Variants in SYNGR4 observed in about 807,000 individuals in gnomAD.
The protein encoded by SYNGR4 is synaptogyrin 4.
SYNGR4 carries 15 observed loss-of-function variants against 15.5 expected under a neutral mutation model. The observed-to-expected ratio is 0.97, with a 90% confidence interval of 0.65 to 1.49. The LOEUF (loss-of-function observed/expected upper bound fraction) is 1.49, where lower values mean the gene tolerates loss of function less well. SYNGR4 is among the 40% of genes most tolerant of loss of function. The pLI, the probability that SYNGR4 is intolerant of heterozygous loss-of-function variation, is 0.00. For synonymous variants in SYNGR4, 121 were observed against 127.4 expected (o/e 0.95, Z 0.34); for missense variants, 292 against 299.3 (o/e 0.98, Z 0.18).
chr19:48,373,600 C>T lies in SYNGR4; in HGVS notation c.177C>T (p.Leu59=). 1 of 1,613,874 alleles carries T rather than the reference C, an allele frequency of 6.2e-7. No homozygotes were observed. Among genetic ancestry groups the T allele is most frequent in the African/African-American group, 1.3e-5 (1 of 75,046 alleles). Residue 59 remains leucine (L), a synonymous_variant, in exon 3 of 5, where the codon CTC becomes CTT. Transcript: ENST00000344846. ...KMESPQLHCI[L]NSNSVACSFA... ...AGTCTCCGCAGCTCCACTGCATTCT[C>T]AACAGCAACAGCGTGGCCTGCAGCT...
In SYNGR4 at chr19:48,366,048, CAA is replaced by C. The variant is rs1486754358; in HGVS notation, c.93+114_93+115del. ...ACAAGGAAGGGGTCAGACGGGGAAACAAGACAACGGAGCAAATGCTGACACCA... is the reference window on the plus strand; with the variant it reads ...ACAAGGAAGGGGTCAGACGGGGAAACGACAACGGAGCAAATGCTGACACCA... On this transcript the variant is annotated intron_variant, in intron 2 of 4. Transcript: ENST00000344846. The C allele has an allele frequency of 4.4e-6, 5 of 1,136,668 alleles. No individual in the cohort carries two copies. The African/African-American group carries it at 7.7e-5, about 17-fold the overall frequency. 70.4% of individuals were successfully genotyped at this position (1,136,668 alleles called of 1,614,324 possible).
chr19:48,375,579 C>G, intron 3 of SYNGR4, 34 bp from the exon 4 acceptor site: 1 of 1,594,172 alleles, frequency 6.3e-7, no homozygotes, highest in South Asian at 1.1e-5. Context: ...GTGAGCTTTC[C>G]CCCTGCCCCT....
At chr19:48,374,118 G>A (rs926698182) in intron 3 of SYNGR4, among the ~76,000 whole-genome samples, 4 of 133,030 alleles carry the variant, frequency 3.0e-5, no homozygotes, top group African/African-American at 5.9e-5. Flanking sequence ...TCACTCTGTC[G>A]CCAGGCTGGA....
At chr19:48,375,802 G>C (rs770445961) in intron 4 of SYNGR4, 50 bp downstream of exon 4, 17 of 1,589,986 alleles carry the variant, frequency 1.1e-5, no homozygotes, top group Non-Finnish European at 1.5e-5. Flanking sequence ...ACCCTCTGCA[G>C]GGTGGGGTTG....
At chr19:48,372,913 C>G (rs929934046) in intron 2 of SYNGR4, 1 of 153,518 alleles carries the variant, frequency 6.5e-6, no homozygotes, top group Admixed American at 6.4e-5. Context: ...TAAGTGCCTC[C>G]TCTCGTTTAG....
chr19:48,373,434 G>T, intron 2 of SYNGR4, 83 bp from the exon 3 acceptor site: 3 of 1,221,926 alleles, frequency 2.5e-6, no homozygotes, highest in Non-Finnish European at 3.6e-6. Context: ...CTGGGTATAC[G>T]GAAAGACCGA....
intron 2 of SYNGR4, among the ~76,000 whole-genome samples, chr19:48,372,723 A>T (rs1970328547): frequency 6.6e-6 from 1 of 152,112 alleles, no homozygotes; most frequent in South Asian, 2.1e-4. Flanking sequence ...AAAATCCCGA[A>T]GCCAAAAAAC....
rs75257682 is a variant in SYNGR4, at chr19:48,365,421, C to A, written c.-107-315C>A. The stretch of plus-strand genomic sequence containing the variant: ...CCTAGTAGCCCCCTCACCACACAAC[C>A]CCATTCCTGGGACCCCCAGCACCCC... On this transcript the variant is annotated intron_variant, in intron 1 of 4. Transcript: ENST00000344846. 1.0e-3 allele frequency among the ~76,000 whole-genome samples: 86 copies of A among 83,370 alleles called. 5 individuals carry two copies. The highest frequency in any genetic ancestry group is 1.3e-3 in the African/African-American group (32 of 24,502). 54.7% of individuals were successfully genotyped at this position (83,370 alleles called of 152,430 possible). A position where few individuals can be genotyped will look rare whatever the true frequency, so the allele number is the denominator to read the frequency against.
chr19:48,365,635 AC>A (rs36115825), intron 1 of SYNGR4, 100 bp from the exon 2 acceptor site: 28,765 of 223,896 alleles, frequency 0.13, 3,295 homozygotes, highest in Admixed American at 0.19. Context: ...CATTCCGGGG[AC>A]CCCCCCCATC....
intron 3 of SYNGR4, 96 bp downstream of exon 3, chr19:48,373,850 T>A: frequency 7.9e-7 from 1 of 1,263,184 alleles, no homozygotes; most frequent in South Asian, 1.3e-5. Flanking sequence ...CTTCACCACC[T>A]AGCCGGCCTC....
chr19:48,367,297 G>T (rs1431051698), intron 2 of SYNGR4, among the ~76,000 whole-genome samples: 2 of 152,016 alleles, frequency 1.3e-5, no homozygotes, highest in Non-Finnish European at 2.9e-5. Flanking sequence ...GCTGGGTGTG[G>T]TGGCAGGCGC....
At chr19:48,371,837 C>G (rs1173376817) in intron 2 of SYNGR4, among the ~76,000 whole-genome samples, 2 of 150,362 alleles carry the variant, frequency 1.3e-5, no homozygotes, top group Non-Finnish European at 3.0e-5. Context: ...CCACCTTGGC[C>G]TCCCAAGTGT....
At chr19:48,367,192 G>A (rs1257433511) in intron 2 of SYNGR4, among the ~76,000 whole-genome samples, 1 of 151,748 alleles carries the variant, frequency 6.6e-6, no homozygotes, top group African/African-American at 2.4e-5. Flanking sequence ...CAGCACTTTG[G>A]GAGGCCGAGG....
At position 48,365,424 on chromosome 19, in the gene SYNGR4, A is replaced by T. The variant is rs79726177; in HGVS notation, c.-107-312A>T. 6.0e-3 allele frequency among the ~76,000 whole-genome samples: 92 copies of T among 15,232 alleles called. 5 individuals carry two copies. Among genetic ancestry groups the T allele is most frequent in the African/African-American group, 7.7e-3 (33 of 4,264 alleles). The allele number at this position is 15,232 out of a possible 152,430, so 10.0% of individuals were successfully genotyped here. A position where few individuals can be genotyped will look rare whatever the true frequency, so the allele number is the denominator to read the frequency against. On this transcript the variant is annotated intron_variant, in intron 1 of 4. Transcript: ENST00000344846. ...AGTAGCCCCCTCACCACACAACCCC[A>T]TTCCTGGGACCCCCAGCACCCCCAT...
chr19:48,376,355 C>A lies in SYNGR4; in HGVS notation c.*37C>A. ...CAAATCAATAAAGAGAGAATCCTCC[C>A]TCCAGAAGGGTTTCTAAAAACAGCC... On this transcript the variant is annotated 3_prime_UTR_variant, in exon 5 of 5. Coordinates refer to ENST00000344846, the MANE Select transcript of SYNGR4 (RefSeq NM_012451.4). The A allele has an allele frequency of 1.3e-6, 2 of 1,599,978 alleles. No individual in the cohort carries two copies. Among genetic ancestry groups the A allele is most frequent in the East Asian group, 4.5e-5 (2 of 44,074 alleles).
intron 2 of SYNGR4, among the ~76,000 whole-genome samples, chr19:48,367,447 T>A (rs888136581): frequency 4.7e-5 from 7 of 150,326 alleles, no homozygotes; most frequent in East Asian, 2.0e-4. Flanking sequence ...AAAAAAAAAA[T>A]TAGTGCAGAT....
Position 48,375,772 on chromosome 19 carries a change from C to G in SYNGR4, c.471+20C>G. On this transcript the variant is annotated intron_variant, in intron 4 of 4. Transcript: ENST00000344846. ...GTCTGGGTGAGGACAAGCCCCTCCA[C>G]CACCCCTCCCTAGGAGGGCACCCTC... The G allele has an allele frequency of 6.2e-7, 1 of 1,605,424 alleles. No homozygotes were observed. The highest frequency in any genetic ancestry group is 8.5e-7 in the Non-Finnish European group (1 of 1,173,512).
chr19:48,373,501 C>T lies in SYNGR4; in HGVS notation c.94-16C>T. 1 of 1,608,172 alleles carries T rather than the reference C, an allele frequency of 6.2e-7. No homozygotes were observed. The highest frequency in any genetic ancestry group is 8.5e-7 in the Non-Finnish European group (1 of 1,175,786). On this transcript the variant is annotated splice_polypyrimidine_tract_variant and intron_variant, in intron 2 of 4. Transcript: ENST00000344846. ...GGGAGAGACTGAGCTCTTCTCTGGCCCCTGGAAATCCACAGGTCTTCTCCC... is the reference window on the plus strand; with the variant it reads ...GGGAGAGACTGAGCTCTTCTCTGGCTCCTGGAAATCCACAGGTCTTCTCCC...
At chr19:48,366,755 A>C (rs1327853120) in intron 2 of SYNGR4, among the ~76,000 whole-genome samples, 2 of 152,162 alleles carry the variant, frequency 1.3e-5, no homozygotes, top group Admixed American at 1.3e-4. Flanking sequence ...CCACAGCCAC[A>C]TGTGGCTACC....
Sources: gnomAD v4.1 joint callset for allele counts (sites outside exome capture counted in the v4.1 genomes callset) on GRCh38, gnomAD v4.1.1 for gene constraint, MANE v1.5 for transcripts, NCBI Gene and HGNC (gene_info 2026-07-23, HGNC 2026-07-21) for gene names.